THSD4: variants seen among roughly 807,000 people sequenced by gnomAD.
The protein encoded by THSD4 is thrombospondin type-1 domain-containing protein 4.
THSD4 carries 69 observed loss-of-function variants against 119.0 expected under a neutral mutation model. The observed-to-expected ratio is 0.58, with a 90% CI of 0.48 to 0.71. The LOEUF (loss-of-function observed/expected upper bound fraction) is 0.71. Among genes scored for constraint, THSD4 ranks in the 30% least tolerant of loss-of-function variants. The pLI is 0.00. For synonymous variants in THSD4, 524 were observed against 540.4 expected (o/e 0.97, Z 0.42); for missense variants, 1,393 against 1,391.1 (o/e 1.00, Z -0.02).
intron 6 of THSD4, among the ~76,000 whole-genome samples, chr15:71,405,995 C>T (rs943175720): frequency 1.3e-5 from 2 of 152,064 alleles, no homozygotes; most frequent in African/African-American, 2.4e-5. Flanking sequence ...CTATGTTGCC[C>T]ATGCTGGTCT....
At chr15:71,395,670 G>A (rs942685325) in intron 6 of THSD4, among the ~76,000 whole-genome samples, 1 of 152,022 alleles carries the variant, frequency 6.6e-6, no homozygotes, top group Admixed American at 6.6e-5. Context: ...GAACCCGGGA[G>A]GCAGAGGCTG....
At chr15:71,196,491 G>T (rs555567937) in intron 3 of THSD4, among the ~76,000 whole-genome samples, 4 of 152,134 alleles carry the variant, frequency 2.6e-5, no homozygotes, top group Non-Finnish European at 5.9e-5. Context: ...AACTGACCAG[G>T]TTGGAGGAGT....
chr15:71,673,902 G>A lies in THSD4; in HGVS notation c.1357+13168G>A, dbSNP rs746657741. On this transcript the variant is annotated intron_variant, in intron 8 of 17. Transcript: ENST00000261862. ...CTCCCGAGTAGCTGGGACTACAGGC[G>A]CCCACCACCACGGCTGGCCATATAC... Among the ~76,000 whole-genome samples, 3 of 152,138 alleles carry A rather than the reference G, an allele frequency of 2.0e-5. No individual in the cohort carries two copies. The East Asian group carries it at 5.8e-4, about 29-fold the overall frequency.
chr15:71,703,089 T>C (rs2052324492), intron 8 of THSD4, among the ~76,000 whole-genome samples: 1 of 152,092 alleles, frequency 6.6e-6, no homozygotes, highest in Non-Finnish European at 1.5e-5. Context: ...CGAAGGATTC[T>C]CCTGCCTTCT....
At chr15:71,440,806 G>A (rs1042994394) in intron 7 of THSD4, among the ~76,000 whole-genome samples, 7 of 152,302 alleles carry the variant, frequency 4.6e-5, no homozygotes, top group African/African-American at 1.7e-4. Flanking sequence ...TGGAGTCATT[G>A]GGGCAATAAC....
intron 10 of THSD4, chr15:71,732,353 T>C: frequency 6.6e-6 from 1 of 152,230 alleles, no homozygotes; most frequent in East Asian, 1.9e-4. Flanking sequence ...ATGTTGAGTC[T>C]TCCTGGTGGG....
At chr15:71,276,920 A>G (rs2140309778) in intron 6 of THSD4, among the ~76,000 whole-genome samples, 1 of 152,278 alleles carries the variant, frequency 6.6e-6, no homozygotes, top group Non-Finnish European at 1.5e-5. Context: ...TAATCCTTTA[A>G]ATTAAGAATT....
At chr15:71,341,372 A>G (rs534803571) in intron 6 of THSD4, 7 of 1,611,192 alleles carry the variant, frequency 4.3e-6, no homozygotes, top group African/African-American at 1.3e-5. Context: ...GATATGCTCA[A>G]TGACCAGAGA....
intron 7 of THSD4, among the ~76,000 whole-genome samples, chr15:71,510,387 A>G (rs1208447229): frequency 6.6e-6 from 1 of 152,234 alleles, no homozygotes; most frequent in Non-Finnish European, 1.5e-5. Flanking sequence ...GCCTGCCCTC[A>G]TGGAGCTTAT....
At chr15:71,633,260 T>C (rs1295525934) in intron 7 of THSD4, among the ~76,000 whole-genome samples, 1 of 114,398 alleles carries the variant, frequency 8.7e-6, no homozygotes, top group East Asian at 3.8e-4. Flanking sequence ...TCTTTTTCTT[T>C]CTTTCTTTCT....
chr15:71,207,180 T>C (rs1173323438), intron 3 of THSD4, among the ~76,000 whole-genome samples: 1 of 152,224 alleles, frequency 6.6e-6, no homozygotes. Context: ...AAGGCTATGA[T>C]GAAATAAACC....
intron 2 of THSD4, among the ~76,000 whole-genome samples, chr15:71,143,000 C>G (rs1251842840): frequency 6.6e-6 from 1 of 152,204 alleles, no homozygotes; most frequent in Non-Finnish European, 1.5e-5. Flanking sequence ...TAACTGAGTG[C>G]AGTGCATGTG....
In THSD4 at chr15:71,270,564, A is replaced by T. The variant is rs535870277; in HGVS notation, c.1015+13849A>T. Among the ~76,000 whole-genome samples the T allele has an allele frequency of 6.6e-5, 10 of 152,348 alleles. No individual in the cohort carries two copies. In the South Asian group the frequency reaches 1.0e-3, roughly 16 times the overall value. The stretch of plus-strand genomic sequence containing the variant: ...ACTAGTTTTTACCTTCATTTTACAG[A>T]TAAAACAAAGGCCTAGACTAGTTAA... On this transcript the variant is annotated intron_variant, in intron 6 of 17. Transcript: ENST00000261862.
At chr15:71,590,321 G>A (rs1160988828) in intron 7 of THSD4, among the ~76,000 whole-genome samples, 1 of 93,664 alleles carries the variant, frequency 1.1e-5, no homozygotes, top group African/African-American at 3.2e-5. Flanking sequence ...ATGTAGTTTT[G>A]AGGCCGTGTG....
chr15:71,480,339 C>CT (rs2047711583), intron 7 of THSD4, among the ~76,000 whole-genome samples: 1 of 152,106 alleles, frequency 6.6e-6, no homozygotes, highest in Non-Finnish European at 1.5e-5. Context: ...TGCCCCGCCA[C>CT]TTTTTTTGTT....
intron 4 of THSD4, among the ~76,000 whole-genome samples, chr15:71,233,908 C>G (rs373244585): frequency 3.3e-5 from 5 of 152,196 alleles, no homozygotes; most frequent in African/African-American, 1.2e-4. Flanking sequence ...CTCTCTCCTC[C>G]CCTCTTCCCA....
intron 8 of THSD4, among the ~76,000 whole-genome samples, chr15:71,697,256 G>A (rs551287873): frequency 9.2e-5 from 14 of 152,190 alleles, no homozygotes; most frequent in African/African-American, 1.9e-4. Flanking sequence ...GGAGCCATGC[G>A]GAAGGGTGAG....
chr15:71,534,775 T>G (rs1294824221), intron 7 of THSD4, among the ~76,000 whole-genome samples: 2 of 152,122 alleles, frequency 1.3e-5, no homozygotes, highest in African/African-American at 4.8e-5. Context: ...GTTCAGGAGT[T>G]CGAGACCAAC....
intron 17 of THSD4, among the ~76,000 whole-genome samples, chr15:71,774,667 C>T (rs1241898740): frequency 2.0e-5 from 3 of 151,996 alleles, no homozygotes; most frequent in Non-Finnish European, 4.4e-5. Flanking sequence ...GTGCCACCTA[C>T]TCAGGACGCA....
Sources: gnomAD v4.1 joint callset for allele counts (sites outside exome capture counted in the v4.1 genomes callset) on GRCh38, gnomAD v4.1.1 for gene constraint, MANE v1.5 for transcripts, NCBI Gene and HGNC (gene_info 2026-07-23, HGNC 2026-07-21) for gene names.